SLC37A3: variants seen among roughly 807,000 people sequenced by gnomAD.
SLC37A3 encodes sugar phosphate exchanger 3.
In SLC37A3, 51 loss-of-function variants were observed where a neutral mutation model predicts 67.1. The ratio of observed to expected loss-of-function variants is 0.76; its 90% CI spans 0.61 to 0.96. The LOEUF (loss-of-function observed/expected upper bound fraction) is 0.96. SLC37A3 is among the 40% of genes least tolerant of loss of function. The probability of loss-of-function intolerance (pLI) is 0.00; values close to 1 mark genes in which losing one functional copy is unlikely to be tolerated. For synonymous variants in SLC37A3, 214 were observed against 231.4 expected (o/e 0.92, Z 0.68); for missense variants, 508 against 603.0 (o/e 0.84, Z 1.65).
intron 6 of SLC37A3, among the ~76,000 whole-genome samples, chr7:140,356,254 T>C (rs1044794568): frequency 2.0e-5 from 3 of 147,858 alleles, no homozygotes; most frequent in Admixed American, 2.0e-4. Flanking sequence ...CTCAGTAAAA[T>C]ATGACAACAG....
chr7:140,336,955 C>A (rs1043387428), intron 14 of SLC37A3, among the ~76,000 whole-genome samples: 1 of 151,568 alleles, frequency 6.6e-6, no homozygotes, highest in Non-Finnish European at 1.5e-5. Flanking sequence ...AAAAATTAGC[C>A]GGGTGTGGTG....
chr7:140,384,865 G>A (rs926154288), intron 1 of SLC37A3, among the ~76,000 whole-genome samples: 8 of 152,158 alleles, frequency 5.3e-5, no homozygotes, highest in African/African-American at 1.9e-4. Flanking sequence ...GAATCACAGG[G>A]CTTGGCTCTC....
intron 1 of SLC37A3, among the ~76,000 whole-genome samples, chr7:140,393,678 C>A (rs1300115443): frequency 1.3e-5 from 2 of 152,204 alleles, no homozygotes; most frequent in African/African-American, 4.8e-5. Context: ...ATAACCCTAT[C>A]TAAAATGGTC....
At chr7:140,342,590 C>T (rs1796399582) in intron 13 of SLC37A3, among the ~76,000 whole-genome samples, 1 of 151,840 alleles carries the variant, frequency 6.6e-6, no homozygotes, top group Non-Finnish European at 1.5e-5. Flanking sequence ...TAGTACTCTA[C>T]AATCTGTAGT....
chr7:140,376,612 CA>C (rs1798040749), intron 3 of SLC37A3, among the ~76,000 whole-genome samples: 2 of 152,110 alleles, frequency 1.3e-5, no homozygotes, highest in African/African-American at 4.8e-5. Context: ...AAGGGCTATC[CA>C]GGGGGGCAGG....
chr7:140,353,159 A>T (rs1277588759), intron 7 of SLC37A3, among the ~76,000 whole-genome samples: 1 of 152,006 alleles, frequency 6.6e-6, no homozygotes. Context: ...TAGGTAATAT[A>T]TTCACATGAT....
chr7:140,339,115 T>A (rs1053805805), intron 13 of SLC37A3, among the ~76,000 whole-genome samples: 1 of 152,182 alleles, frequency 6.6e-6, no homozygotes, highest in African/African-American at 2.4e-5. Context: ...TCATTTCTTT[T>A]TAATGGCTCA....
At chr7:140,353,655 A>G (rs1255152145) in intron 7 of SLC37A3, among the ~76,000 whole-genome samples, 5 of 151,938 alleles carry the variant, frequency 3.3e-5, no homozygotes, top group Non-Finnish European at 7.4e-5. Flanking sequence ...TCCTTCTTAC[A>G]TAAATGGCAT....
At chr7:140,351,967 T>C in intron 8 of SLC37A3, 95 bp downstream of exon 8, 1 of 1,261,190 alleles carries the variant, frequency 7.9e-7, no homozygotes, top group Non-Finnish European at 1.1e-6. Flanking sequence ...GCTCAGAGTT[T>C]TCCTAGGAAA....
rs559275023 is a variant in SLC37A3 at position 140,336,951 on chromosome 7, T to C, written c.1392+333A>G. On this transcript the variant is annotated intron_variant, in intron 14 of 14. Transcript: ENST00000326232. ...CCATCTCTACTAAAAATACAAAAAT[T>C]AGCCGGGTGTGGTGGCAGGCGCCTG... Among the ~76,000 whole-genome samples the C allele has an allele frequency of 3.3e-5, 5 of 151,618 alleles. No homozygotes were observed. The East Asian group carries it at 5.8e-4, about 18-fold the overall frequency.
intron 3 of SLC37A3, among the ~76,000 whole-genome samples, chr7:140,375,338 G>C (rs985309309): frequency 6.6e-6 from 1 of 151,844 alleles, no homozygotes; most frequent in African/African-American, 2.4e-5. Flanking sequence ...AGCCAGGCAT[G>C]GTGATGTGCA....
At chr7:140,339,806 A>T (rs1460977972) in intron 13 of SLC37A3, among the ~76,000 whole-genome samples, 1 of 149,204 alleles carries the variant, frequency 6.7e-6, no homozygotes, top group South Asian at 2.1e-4. Flanking sequence ...GCACAATCTC[A>T]GCTCACTGCA....
chr7:140,358,821 C>A, intron 5 of SLC37A3, 36 bp from the exon 6 acceptor site: 1 of 1,612,826 alleles, frequency 6.2e-7, no homozygotes, highest in South Asian at 1.1e-5. Context: ...TATGTAACAG[C>A]CACACTGACA....
In SLC37A3 at chr7:140,345,864, C is replaced by T; in HGVS notation, c.1126+5G>A. ...AGGAATTAGTAATTGCAAAAGAATA[C>T]TCACGACTATACCCGATGAGGGACC... On this transcript the variant is annotated splice_donor_5th_base_variant and intron_variant, in intron 11 of 14. Transcript: ENST00000326232. The T allele has an allele frequency of 2.5e-6, 4 of 1,608,728 alleles. No homozygotes were observed. Among genetic ancestry groups the T allele is most frequent in the South Asian group, 1.1e-5 (1 of 90,968 alleles).
intron 13 of SLC37A3, 141 bp downstream of exon 13, chr7:140,343,271 G>A (rs79148501): frequency 0.06 from 67,440 of 1,119,198 alleles, 2,345 homozygotes; most frequent in Non-Finnish European, 0.071. Context: ...CTGGTCCTGA[G>A]GGGAGACGGA....
intron 3 of SLC37A3, among the ~76,000 whole-genome samples, chr7:140,370,191 A>C (rs1250080445): frequency 6.6e-6 from 1 of 151,844 alleles, no homozygotes; most frequent in African/African-American, 2.4e-5. Flanking sequence ...ACACATAGTA[A>C]TTGTACATAT....
intron 1 of SLC37A3, among the ~76,000 whole-genome samples, chr7:140,386,470 T>TAATAATAATAAC (rs1798455329): frequency 6.6e-6 from 1 of 150,880 alleles, no homozygotes; most frequent in African/African-American, 2.4e-5. Context: ...ATAATAATAA[T>TAATAATAATAAC]AATAATACCT....
rs1364918388 is a variant in SLC37A3, at chr7:140,362,642, G to A, written c.375+1766C>T. Among the ~76,000 whole-genome samples, 3 of 62,446 alleles carry A rather than the reference G, an allele frequency of 4.8e-5. 1 individual carries two copies. The highest frequency in any genetic ancestry group is 1.8e-4 in the African/African-American group (3 of 16,802). The allele number at this position is 62,446 out of a possible 152,430, so 41.0% of individuals were successfully genotyped here. A position where few individuals can be genotyped will look rare whatever the true frequency, so the allele number is the denominator to read the frequency against. The stretch of plus-strand genomic sequence containing the variant: ...CCTACTGGGAAGTGAGGACCCCTCT[G>A]CCCGGCCAGCCGCCCCGTCCGGGAG... On this transcript the variant is annotated intron_variant, in intron 5 of 14. Transcript: ENST00000326232.
chr7:140,356,508 C>T (rs901246275), intron 6 of SLC37A3, among the ~76,000 whole-genome samples: 2 of 151,992 alleles, frequency 1.3e-5, no homozygotes, highest in African/African-American at 2.4e-5. Context: ...ACGGCGAAAC[C>T]CCGTCTCTAC....
Sources: gnomAD v4.1 joint callset for allele counts (sites outside exome capture counted in the v4.1 genomes callset) on GRCh38, gnomAD v4.1.1 for gene constraint, MANE v1.5 for transcripts, NCBI Gene and HGNC (gene_info 2026-07-23, HGNC 2026-07-21) for gene names.